The following DLG2 variants were observed in gnomAD, a reference collection of about 807,000 sequenced individuals.
DLG2 encodes discs large MAGUK scaffold protein 2, also known as disks large homolog 2.
A neutral mutation model predicts 132.5 loss-of-function variants in DLG2; 45 were observed. That is an observed-to-expected ratio of 0.34 (90% CI 0.27 to 0.44). The LOEUF (loss-of-function observed/expected upper bound fraction) is 0.44, where lower values mean the gene tolerates loss of function less well. DLG2 is among the 20% of genes least tolerant of loss of function. The pLI is 1.00. For missense variants in DLG2, 1,045 were observed against 1,196.9 expected, an observed-to-expected ratio of 0.87 and a Z score of 1.87; for synonymous variants, 424 against 419.6, an observed-to-expected ratio of 1.01 and a Z score of -0.13.
At chr11:84,595,193 C>A (rs898429848) in intron 6 of DLG2, among the ~76,000 whole-genome samples, 1 of 152,098 alleles carries the variant, frequency 6.6e-6, no homozygotes, top group African/African-American at 2.4e-5. Flanking sequence ...TAACCTCCAC[C>A]TCCCAGGCTC....
At chr11:85,191,160 G>GCACACA (rs1256970184) in intron 4 of DLG2, among the ~76,000 whole-genome samples, 95 of 101,160 alleles carry the variant, frequency 9.4e-4, no homozygotes, top group East Asian at 8.2e-3. Flanking sequence ...GCGCGCACGC[G>GCACACA]CGCACACACA....
chr11:84,675,062 T>C (rs1221733439), intron 6 of DLG2, among the ~76,000 whole-genome samples: 1 of 152,136 alleles, frequency 6.6e-6, no homozygotes, highest in Non-Finnish European at 1.5e-5. Context: ...TCTCTTTCTT[T>C]ATTTGCATCA....
intron 8 of DLG2, among the ~76,000 whole-genome samples, chr11:84,230,897 C>A (rs1053824048): frequency 6.6e-6 from 1 of 152,084 alleles, no homozygotes; most frequent in African/African-American, 2.4e-5. Context: ...AATACAAGAA[C>A]TTGAAGAATA....
intron 3 of DLG2, among the ~76,000 whole-genome samples, chr11:85,516,644 A>G (rs1598179389): frequency 6.6e-6 from 1 of 152,122 alleles, no homozygotes; most frequent in Non-Finnish European, 1.5e-5. Flanking sequence ...TACTATGAAC[A>G]TCTCTACACT....
intron 11 of DLG2, among the ~76,000 whole-genome samples, chr11:84,035,215 T>C (rs986536927): frequency 6.6e-5 from 10 of 152,126 alleles, no homozygotes; most frequent in Non-Finnish European, 2.9e-5. Flanking sequence ...TCTTTCCTAT[T>C]ACAACTCTAT....
At chr11:83,880,259 A>G (rs1170838523) in intron 15 of DLG2, among the ~76,000 whole-genome samples, 4 of 152,228 alleles carry the variant, frequency 2.6e-5, no homozygotes, top group Non-Finnish European at 5.9e-5. Flanking sequence ...TAAACCTGAA[A>G]CTATTCTGAA....
chr11:85,121,446 A>T (rs1005754588), intron 5 of DLG2, among the ~76,000 whole-genome samples: 2 of 151,740 alleles, frequency 1.3e-5, no homozygotes, highest in African/African-American at 4.8e-5. Flanking sequence ...ATACCATGCT[A>T]TATTAAATCA....
chr11:85,391,071 C>A (rs1596810766), intron 3 of DLG2, among the ~76,000 whole-genome samples: 1 of 151,940 alleles, frequency 6.6e-6, no homozygotes, highest in East Asian at 1.9e-4. Context: ...GAGAGAAGAT[C>A]CAAATAAGCT....
At chr11:84,844,131 GTGTGTATATATATATATA>G (rs1404425230) in intron 6 of DLG2, among the ~76,000 whole-genome samples, 8 of 26,400 alleles carry the variant, frequency 3.0e-4, no homozygotes, top group African/African-American at 9.6e-4. Flanking sequence ...GTGTGTGTGT[GTGTGTATATATATATATA>G]TATATATATA....
intron 14 of DLG2, among the ~76,000 whole-genome samples, chr11:83,953,513 C>T (rs1324224530): frequency 6.6e-6 from 1 of 152,198 alleles, no homozygotes; most frequent in East Asian, 1.9e-4. Context: ...CCCCTGCCAC[C>T]TGTCCATGGA....
At chr11:84,770,140 C>T (rs1312745213) in intron 6 of DLG2, among the ~76,000 whole-genome samples, 1 of 152,026 alleles carries the variant, frequency 6.6e-6, no homozygotes, top group East Asian at 1.9e-4. Context: ...AAGTGTGTAG[C>T]ACCTCCCTTC....
At chr11:85,586,776 G>C (rs965729239) in intron 3 of DLG2, among the ~76,000 whole-genome samples, 1 of 151,986 alleles carries the variant, frequency 6.6e-6, no homozygotes, top group African/African-American at 2.4e-5. Flanking sequence ...AGTTCCTTCA[G>C]GTGTGACTTT....
chr11:85,120,179 C>T (rs567500559), intron 5 of DLG2, among the ~76,000 whole-genome samples: 2 of 152,194 alleles, frequency 1.3e-5, no homozygotes, highest in African/African-American at 4.8e-5. Flanking sequence ...ATGGATATTA[C>T]TTGCATATAT....
chr11:84,493,955 T>C (rs1034106307), intron 7 of DLG2, among the ~76,000 whole-genome samples: 1 of 152,136 alleles, frequency 6.6e-6, no homozygotes, highest in African/African-American at 2.4e-5. Flanking sequence ...AGCTTTGTCA[T>C]AGTGTAACAT....
chr11:84,233,568 G>A (rs961389813), intron 8 of DLG2, among the ~76,000 whole-genome samples: 10 of 152,130 alleles, frequency 6.6e-5, no homozygotes, highest in African/African-American at 2.4e-4. Context: ...CATAGCTCAG[G>A]CAGAGAACCT....
At chr11:84,483,848 T>C (rs192179105) in intron 7 of DLG2, among the ~76,000 whole-genome samples, 1 of 152,312 alleles carries the variant, frequency 6.6e-6, no homozygotes, top group East Asian at 1.9e-4. Context: ...AATATACCTA[T>C]GCAATGGAGA....
chr11:84,937,812 C>G (rs569139253), intron 6 of DLG2, among the ~76,000 whole-genome samples: 4 of 152,242 alleles, frequency 2.6e-5, no homozygotes, highest in African/African-American at 7.2e-5. Flanking sequence ...ACTAGAAAAT[C>G]TATAATATTT....
Position 83,929,784 on chromosome 11 carries a change from G to A in DLG2, c.1496+544C>T, listed in dbSNP as rs532438949. On this transcript the variant is annotated intron_variant, in intron 15 of 27. Coordinates refer to ENST00000376104, the MANE Select transcript of DLG2 (RefSeq NM_001142699.3). ...AACATAATATAAACATTAATTTTAC[G>A]TTCCGTGTGGTGAGATGGAACCAAC... Among the ~76,000 whole-genome samples, 23 of 152,092 alleles carry A rather than the reference G, an allele frequency of 1.5e-4. No homozygotes were observed. In the South Asian group the frequency reaches 2.3e-3, roughly 15 times the overall value.
At chr11:84,166,511 A>AG (rs1566783141) in intron 8 of DLG2, among the ~76,000 whole-genome samples, 1 of 149,872 alleles carries the variant, frequency 6.7e-6, no homozygotes, top group Non-Finnish European at 1.5e-5. Flanking sequence ...AAAAAAAAAA[A>AG]AAAAAAAAAG....
Sources: gnomAD v4.1 joint callset for allele counts (sites outside exome capture counted in the v4.1 genomes callset) on GRCh38, gnomAD v4.1.1 for gene constraint, MANE v1.5 for transcripts, NCBI Gene and HGNC (gene_info 2026-07-23, HGNC 2026-07-21) for gene names.